The following TEAD1 variants were observed in gnomAD, a reference collection of about 807,000 sequenced individuals.
TEAD1 encodes transcriptional enhancer factor TEF-1.
TEAD1 carries 9 observed loss-of-function variants against 54.9 expected under a neutral mutation model. That is an observed-to-expected ratio of 0.16 (90% CI 0.10 to 0.29). The LOEUF (loss-of-function observed/expected upper bound fraction) is 0.29, where lower values mean the gene tolerates loss of function less well. Among genes scored for constraint, TEAD1 ranks in the 10% least tolerant of loss-of-function variants. TEAD1 has a pLI of 1.00. For synonymous variants in TEAD1, 200 were observed against 187.8 expected (o/e 1.07, Z -0.53); for missense variants, 387 against 535.9 (o/e 0.72, Z 2.74).
chr11:12,825,064 A>G (rs1221938146), intron 3 of TEAD1, among the ~76,000 whole-genome samples: 1 of 152,188 alleles, frequency 6.6e-6, no homozygotes, highest in Non-Finnish European at 1.5e-5. Context: ...GTATGTGATC[A>G]TGGTTCATCA....
At chr11:12,757,466 C>T (rs77656726) in intron 2 of TEAD1, among the ~76,000 whole-genome samples, 3,005 of 152,306 alleles carry the variant, frequency 0.02, 129 homozygotes, top group African/African-American at 0.069. Context: ...TCTTAAAGGA[C>T]TCAAATCTTA....
intron 3 of TEAD1, among the ~76,000 whole-genome samples, chr11:12,861,523 G>A (rs1947503738): frequency 6.6e-6 from 1 of 152,172 alleles, no homozygotes; most frequent in Admixed American, 6.5e-5. Flanking sequence ...TAAACTATGA[G>A]TAGAAACTTG....
intron 3 of TEAD1, among the ~76,000 whole-genome samples, chr11:12,807,789 A>C (rs953209746): frequency 6.6e-6 from 1 of 152,216 alleles, no homozygotes; most frequent in Non-Finnish European, 1.5e-5. Flanking sequence ...TGTTAAGGTG[A>C]AGTAGGTCGT....
chr11:12,697,170 C>T (rs1458151251), intron 2 of TEAD1, among the ~76,000 whole-genome samples: 3 of 152,058 alleles, frequency 2.0e-5, no homozygotes, highest in East Asian at 1.9e-4. Flanking sequence ...CCTCCCTGCC[C>T]GCCCATCCCT....
chr11:12,821,961 C>CTT (rs10700151), intron 3 of TEAD1, among the ~76,000 whole-genome samples: 1,616 of 67,996 alleles, frequency 0.024, 275 homozygotes, highest in African/African-American at 0.064. Context: ...TTCTCTTTTC[C>CTT]TTTTTTTTTT....
intron 3 of TEAD1, among the ~76,000 whole-genome samples, chr11:12,807,914 A>G (rs1253123047): frequency 6.6e-6 from 1 of 152,116 alleles, no homozygotes; most frequent in Non-Finnish European, 1.5e-5. Flanking sequence ...GTCCTTACTC[A>G]TCTCTGAAGA....
intron 10 of TEAD1, among the ~76,000 whole-genome samples, chr11:12,921,614 A>G (rs962680808): frequency 2.0e-5 from 3 of 152,074 alleles, no homozygotes; most frequent in African/African-American, 4.8e-5. Flanking sequence ...TCCTGCCACC[A>G]TAAAGCACCT....
In TEAD1 at chr11:12,805,887, C is replaced by T. The variant is rs543671858; in HGVS notation, c.202+41453C>T. 2.4e-3 allele frequency among the ~76,000 whole-genome samples: 359 copies of T among 152,148 alleles called. 1 individual carries two copies. The highest frequency in any genetic ancestry group is 0.017 in the Middle Eastern group (5 of 294). On this transcript the variant is annotated intron_variant, in intron 3 of 12. Coordinates refer to ENST00000527636, the MANE Select transcript of TEAD1 (RefSeq NM_021961.6). ...TTGATTAGGTGGTTTTATGATGTTT[C>T]TTTTATTTTTTTCACTAGGAATTTT...
intron 2 of TEAD1, among the ~76,000 whole-genome samples, chr11:12,717,550 G>A (rs1251466574): frequency 6.6e-6 from 1 of 152,198 alleles, no homozygotes; most frequent in Non-Finnish European, 1.5e-5. Flanking sequence ...TTATGTCAAA[G>A]TAGTGTTTGC....
At chr11:12,923,697 C>G (rs1009710835) in intron 10 of TEAD1, among the ~76,000 whole-genome samples, 2 of 152,124 alleles carry the variant, frequency 1.3e-5, no homozygotes, top group Non-Finnish European at 2.9e-5. Flanking sequence ...GCTGGGATGT[C>G]CAAGATCGAA....
intron 2 of TEAD1, among the ~76,000 whole-genome samples, chr11:12,706,152 C>G (rs1305107921): frequency 6.6e-6 from 1 of 152,160 alleles, no homozygotes. Context: ...GAGCCTGGCA[C>G]CAAGTATCTG....
intron 5 of TEAD1, 154 bp from the exon 6 acceptor site, chr11:12,879,554 C>G: frequency 1.1e-6 from 1 of 891,912 alleles, no homozygotes; most frequent in South Asian, 1.4e-5. Flanking sequence ...TGTGGTTTAG[C>G]CTTCTGGCTG....
At chr11:12,792,200 A>G (rs1945817340) in intron 3 of TEAD1, among the ~76,000 whole-genome samples, 1 of 152,014 alleles carries the variant, frequency 6.6e-6, no homozygotes. Flanking sequence ...TTTAAGGGAG[A>G]TTTCCCTCAA....
intron 3 of TEAD1, among the ~76,000 whole-genome samples, chr11:12,772,204 C>T (rs1945326429): frequency 6.6e-6 from 1 of 152,216 alleles, no homozygotes; most frequent in Non-Finnish European, 1.5e-5. Flanking sequence ...CTAGAGGGAA[C>T]ATTACCATGA....
chr11:12,906,622 A>G (rs961122093), intron 10 of TEAD1, among the ~76,000 whole-genome samples: 4 of 152,056 alleles, frequency 2.6e-5, no homozygotes, highest in Non-Finnish European at 5.9e-5. Context: ...TAATCATACT[A>G]AAATCCAGCG....
intron 4 of TEAD1, among the ~76,000 whole-genome samples, chr11:12,863,325 A>G (rs988491349): frequency 1.3e-5 from 2 of 152,198 alleles, no homozygotes; most frequent in Non-Finnish European, 2.9e-5. Context: ...TCCTGCCAGC[A>G]CGCAGAGGCA....
chr11:12,820,831 A>G (rs1946529488), intron 3 of TEAD1, among the ~76,000 whole-genome samples: 1 of 152,208 alleles, frequency 6.6e-6, no homozygotes, highest in South Asian at 2.1e-4. Flanking sequence ...TAACTTAAAT[A>G]AATCAAAGCG....
chr11:12,844,337 T>G (rs1220426133), intron 3 of TEAD1, among the ~76,000 whole-genome samples: 1 of 152,208 alleles, frequency 6.6e-6, no homozygotes, highest in African/African-American at 2.4e-5. Flanking sequence ...AATCACCTTT[T>G]CCTCATAGTT....
intron 2 of TEAD1, among the ~76,000 whole-genome samples, chr11:12,691,092 T>C (rs745533994): frequency 4.7e-4 from 72 of 152,224 alleles, no homozygotes; most frequent in Non-Finnish European, 7.5e-4. Flanking sequence ...AGCAACTATA[T>C]GGTTAACCTA....
Sources: gnomAD v4.1 joint callset for allele counts (sites outside exome capture counted in the v4.1 genomes callset) on GRCh38, gnomAD v4.1.1 for gene constraint, MANE v1.5 for transcripts, NCBI Gene and HGNC (gene_info 2026-07-23, HGNC 2026-07-21) for gene names.